The following QKI variants were observed in gnomAD, a reference collection of about 807,000 sequenced individuals.
QKI encodes the protein KH domain-containing RNA-binding protein QKI.
Under a neutral mutation model 39.0 loss-of-function variants are expected in QKI, and 10 were observed. The observed-to-expected ratio is 0.26, with a 90% CI of 0.16 to 0.43. The LOEUF is 0.43. QKI is among the 20% of genes least tolerant of loss of function. QKI has a pLI of 1.00. For missense variants in QKI, 218 were observed against 428.0 expected, an observed-to-expected ratio of 0.51 and a Z score of 4.33; for synonymous variants, 204 against 155.4, an observed-to-expected ratio of 1.31 and a Z score of -2.33.
intron 3 of QKI, among the ~76,000 whole-genome samples, chr6:163,511,672 T>C (rs1384363884): frequency 1.3e-5 from 2 of 151,962 alleles, no homozygotes; most frequent in East Asian, 3.8e-4. Context: ...TATCCCTATA[T>C]TGATTAGAGA....
At chr6:163,533,164 CA>C (rs1288237890) in intron 3 of QKI, among the ~76,000 whole-genome samples, 1 of 151,414 alleles carries the variant, frequency 6.6e-6, no homozygotes, top group Non-Finnish European at 1.5e-5. Flanking sequence ...ATAAAAAATA[CA>C]AATTTTGGTG....
chr6:163,486,059 G>A (rs967226343), intron 3 of QKI, among the ~76,000 whole-genome samples: 3 of 152,202 alleles, frequency 2.0e-5, no homozygotes, highest in Non-Finnish European at 4.4e-5. Flanking sequence ...TGGGCTAGAT[G>A]GTATCAGCCA....
chr6:163,433,348 G>A (rs1397168214), intron 1 of QKI, among the ~76,000 whole-genome samples: 2 of 152,194 alleles, frequency 1.3e-5, no homozygotes, highest in African/African-American at 4.8e-5. Context: ...GGTAATTTAA[G>A]AAGATCCTCA....
chr6:163,485,013 C>CA (rs1777556813), intron 3 of QKI, among the ~76,000 whole-genome samples: 1 of 152,046 alleles, frequency 6.6e-6, no homozygotes, highest in African/African-American at 2.4e-5. Flanking sequence ...TTGGGAGATT[C>CA]AGGGGTTTTA....
intron 4 of QKI, among the ~76,000 whole-genome samples, chr6:163,546,684 G>A (rs1424829831): frequency 6.6e-6 from 1 of 151,898 alleles, no homozygotes; most frequent in Non-Finnish European, 1.5e-5. Flanking sequence ...CATTTTAATA[G>A]TATATTAAAA....
intron 3 of QKI, among the ~76,000 whole-genome samples, chr6:163,529,086 C>T (rs1369397999): frequency 6.6e-6 from 1 of 152,022 alleles, no homozygotes; most frequent in Non-Finnish European, 1.5e-5. Context: ...AAAACCAGAC[C>T]TCATAAGAGT....
At position 163,566,869 on chromosome 6, in the gene QKI, A is replaced by G. The variant is rs999649156; in HGVS notation, c.1009+74A>G. 92 of 1,562,244 alleles carry G rather than the reference A, an allele frequency of 5.9e-5. No homozygotes were observed. In the African/African-American group the frequency reaches 1.2e-3, roughly 20 times the overall value. ...CATAAAATTTGCAACACCACACCTGATGGAAAAATGTAATTGCTTACCTGC... is the reference window on the plus strand; with the variant it reads ...CATAAAATTTGCAACACCACACCTGGTGGAAAAATGTAATTGCTTACCTGC... On this transcript the variant is annotated intron_variant, in intron 7 of 7. Transcript: ENST00000361752.
chr6:163,467,173 G>GT (rs1168978626), intron 2 of QKI, among the ~76,000 whole-genome samples: 6 of 152,130 alleles, frequency 3.9e-5, no homozygotes, highest in Admixed American at 2.0e-4. Context: ...ACACACACAC[G>GT]TGCGTGTACA....
At chr6:163,475,613 A>G (rs527915237) in intron 2 of QKI, among the ~76,000 whole-genome samples, 1 of 152,338 alleles carries the variant, frequency 6.6e-6, no homozygotes, top group Non-Finnish European at 1.5e-5. Flanking sequence ...CACTGGAGCA[A>G]TTGGAAAAGA....
At chr6:163,481,742 A>C (rs1204062766) in intron 3 of QKI, among the ~76,000 whole-genome samples, 2 of 152,222 alleles carry the variant, frequency 1.3e-5, no homozygotes, top group Admixed American at 6.5e-5. Flanking sequence ...ATAAATACCC[A>C]GTGGAATGGT....
At position 163,563,731 on chromosome 6, in the gene QKI, T is replaced by C; in HGVS notation, c.934+12T>C. The C allele has an allele frequency of 6.2e-7, 1 of 1,608,822 alleles. No individual in the cohort carries two copies. Among genetic ancestry groups the C allele is most frequent in the South Asian group, 1.1e-5 (1 of 90,574 alleles). ...TAGTGGTGTATTAGGTAAGTTCTTC[T>C]CCCCATGGGGTTAACAACATTCTCT... On this transcript the variant is annotated intron_variant, in intron 6 of 7. Transcript: ENST00000361752.
In QKI at chr6:163,512,984, G is replaced by A. The variant is rs377401268; in HGVS notation, c.403-21998G>A. On this transcript the variant is annotated intron_variant, in intron 3 of 7. Coordinates refer to ENST00000361752, the MANE Select transcript of QKI (RefSeq NM_006775.3). ...CTTATCCACAGTTTTGCTTTTCATG[G>A]TTTCAGTTACCTGTGGTACAGTACA... Among the ~76,000 whole-genome samples, 30 of 152,198 alleles carry A rather than the reference G, an allele frequency of 2.0e-4. No homozygotes were observed. The East Asian group carries it at 4.4e-3, about 23-fold the overall frequency.
chr6:163,456,495 T>C (rs927306726), intron 2 of QKI, among the ~76,000 whole-genome samples: 1 of 152,266 alleles, frequency 6.6e-6, no homozygotes, highest in African/African-American at 2.4e-5. Flanking sequence ...AAAGGAGTTA[T>C]TATAATATCA....
At chr6:163,418,702 A>C (rs896492784) in intron 1 of QKI, among the ~76,000 whole-genome samples, 1 of 152,166 alleles carries the variant, frequency 6.6e-6, no homozygotes, top group African/African-American at 2.4e-5. Flanking sequence ...CTACCTTTAG[A>C]GAGACGTTTT....
intron 1 of QKI, among the ~76,000 whole-genome samples, chr6:163,446,541 T>G (rs1790168286): frequency 6.6e-6 from 1 of 152,216 alleles, no homozygotes. Flanking sequence ...GCCATTAGAT[T>G]TAAATTTACA....
chr6:163,548,226 T>A (rs537603456), intron 4 of QKI, among the ~76,000 whole-genome samples: 6 of 152,356 alleles, frequency 3.9e-5, no homozygotes, highest in Admixed American at 3.9e-4. Flanking sequence ...GTGACATGCA[T>A]GAAGTCTGTT....
At chr6:163,531,658 G>A (rs1780858770) in intron 3 of QKI, among the ~76,000 whole-genome samples, 1 of 151,952 alleles carries the variant, frequency 6.6e-6, no homozygotes, top group Non-Finnish European at 1.5e-5. Flanking sequence ...TACTTCTTAC[G>A]AGTTTGGACA....
chr6:163,464,723 A>T (rs887704623), intron 2 of QKI, among the ~76,000 whole-genome samples: 1 of 152,188 alleles, frequency 6.6e-6, no homozygotes, highest in Admixed American at 6.5e-5. Context: ...GAAGCCCAAG[A>T]GCAGACAGCT....
chr6:163,476,689 C>G (rs565057294), intron 2 of QKI, among the ~76,000 whole-genome samples: 3 of 152,168 alleles, frequency 2.0e-5, no homozygotes, highest in Non-Finnish European at 4.4e-5. Flanking sequence ...TTCTTGTTTT[C>G]TGCAAAACTC....
Sources: allele counts gnomAD v4.1 joint callset (sites outside exome capture counted in the v4.1 genomes callset), GRCh38; gene constraint gnomAD v4.1.1; transcripts MANE v1.5; gene names NCBI Gene and HGNC (gene_info 2026-07-23, HGNC 2026-07-21).